CIT: variants seen among roughly 807,000 people sequenced by gnomAD.
CIT encodes citron rho-interacting serine/threonine kinase.
In CIT, 79 loss-of-function variants were observed where a neutral mutation model predicts 272.7. That is an observed-to-expected ratio of 0.29 (90% CI 0.24 to 0.35). The LOEUF is 0.35. Among genes scored for constraint, CIT ranks in the 10% least tolerant of loss-of-function variants. CIT has a pLI of 1.00. For synonymous variants in CIT, 948 were observed against 995.6 expected (o/e 0.95, Z 0.90); for missense variants, 1,909 against 2,618.3 (o/e 0.73, Z 5.91).
At chr12:119,703,686 A>G (rs1956716870) in intron 41 of CIT, among the ~76,000 whole-genome samples, 1 of 152,156 alleles carries the variant, frequency 6.6e-6, no homozygotes, top group Non-Finnish European at 1.5e-5. Context: ...TCGGCCTCCC[A>G]AAGTGCTGGG....
At chr12:119,759,089 A>G (rs1208824568) in intron 20 of CIT, among the ~76,000 whole-genome samples, 1 of 152,112 alleles carries the variant, frequency 6.6e-6, no homozygotes, top group Non-Finnish European at 1.5e-5. Context: ...TCATTTTCTG[A>G]GTGATTCCTT....
At chr12:119,835,437 T>A (rs1409162084) in intron 5 of CIT, among the ~76,000 whole-genome samples, 1 of 152,180 alleles carries the variant, frequency 6.6e-6, no homozygotes, top group East Asian at 1.9e-4. Flanking sequence ...TCCTTTCTGC[T>A]CTGGCCAGCA....
In CIT at chr12:119,772,826, G is replaced by A. The variant is rs1295852894; in HGVS notation, c.2026C>T (p.Leu676=). The part of the protein sequence containing the change: ...KERAERELEK[L]QNREDSSEGI... The stretch of plus-strand genomic sequence containing the variant: ...TCAGAAGAATCCTCTCGGTTCTGCA[G>A]CTTCTCCAGCTCCCTCTCGGCTCGC... Residue 676 remains leucine, a synonymous_variant, in exon 17 of 48, where the codon CTG becomes TTG. Coordinates refer to ENST00000392521, the MANE Select transcript of CIT (RefSeq NM_001206999.2). 4 of 1,613,942 alleles carry A rather than the reference G, an allele frequency of 2.5e-6. No individual in the cohort carries two copies. The highest frequency in any genetic ancestry group is 3.4e-6 in the Non-Finnish European group (4 of 1,180,010).
intron 47 of CIT, 68 bp from the exon 48 acceptor site, chr12:119,688,323 T>C: frequency 6.7e-7 from 1 of 1,482,290 alleles, no homozygotes; most frequent in East Asian, 2.3e-5. Flanking sequence ...CCTTGCATGA[T>C]GCAAATGGGA....
At chr12:119,738,476 A>C (rs1191018416) in intron 24 of CIT, among the ~76,000 whole-genome samples, 1 of 152,240 alleles carries the variant, frequency 6.6e-6, no homozygotes, top group Non-Finnish European at 1.5e-5. Flanking sequence ...CCATCTTAGC[A>C]GCAAAAAAAG....
intron 7 of CIT, among the ~76,000 whole-genome samples, chr12:119,832,260 G>A (rs537409239): frequency 1.2e-4 from 19 of 152,116 alleles, no homozygotes; most frequent in Non-Finnish European, 2.1e-4. Context: ...CCCTCCTGCC[G>A]TCCTACTTAG....
intron 5 of CIT, among the ~76,000 whole-genome samples, chr12:119,841,267 C>T (rs951717794): frequency 9.2e-5 from 14 of 151,828 alleles, no homozygotes; most frequent in African/African-American, 3.4e-4. Context: ...CTCTGCCTTC[C>T]AGGTTCAAGC....
Position 119,730,303 on chromosome 12 carries a change from C to A in CIT, c.3486+192G>T, listed in dbSNP as rs76448212. Among the ~76,000 whole-genome samples the A allele has an allele frequency of 4.0e-3, 602 of 152,130 alleles. 2 individuals are homozygous for A. The highest frequency in any genetic ancestry group is 0.014 in the African/African-American group (577 of 41,520). On this transcript the variant is annotated intron_variant, in intron 27 of 47. Coordinates refer to ENST00000392521, the MANE Select transcript of CIT (RefSeq NM_001206999.2). ...CCGACTGTGATCACTGGGTACCCACCGCACCCACCCACGCTACTGCCAACC... is the reference window on the plus strand; with the variant it reads ...CCGACTGTGATCACTGGGTACCCACAGCACCCACCCACGCTACTGCCAACC...
chr12:119,823,077 T>G, intron 8 of CIT, 104 bp from the exon 9 acceptor site: 1 of 1,251,248 alleles, frequency 8.0e-7, no homozygotes, highest in Non-Finnish European at 1.1e-6. Context: ...TCTTTTTTTT[T>G]GTTTTTTAGA....
At chr12:119,838,391 T>G (rs762018234) in intron 5 of CIT, among the ~76,000 whole-genome samples, 24 of 152,316 alleles carry the variant, frequency 1.6e-4, no homozygotes, top group Non-Finnish European at 1.3e-4. Context: ...AAAATAATAA[T>G]AAGAAGAAGT....
At chr12:119,696,544 T>TTTATTTTTATTTATTTATTTTTTTTC (rs1956231296) in intron 46 of CIT, among the ~76,000 whole-genome samples, 1 of 150,796 alleles carries the variant, frequency 6.6e-6, no homozygotes, top group African/African-American at 2.4e-5. Context: ...TTTTTGATTT[T>TTTATTTTTATTTATTTATTTTTTTTC]GAGATAGGGT....
rs750575022 is a variant in CIT, at chr12:119,742,384, A to G, written c.2958+27T>C. On this transcript the variant is annotated intron_variant, in intron 24 of 47. Transcript: ENST00000392521. ...CTCTGTTTTAGTTTCATGTTATTTT[A>G]ATCGTCTTTGGGTAATTAATACTCA... The G allele has an allele frequency of 7.1e-6, 11 of 1,550,388 alleles. No homozygotes were observed. The South Asian group carries it at 1.3e-4, about 19-fold the overall frequency.
chr12:119,841,524 A>G (rs1969410335), intron 5 of CIT, among the ~76,000 whole-genome samples: 1 of 152,000 alleles, frequency 6.6e-6, no homozygotes, highest in Admixed American at 6.6e-5. Context: ...GTGCCCCCAA[A>G]TCCATCCTTC....
chr12:119,718,345 G>T lies in CIT; in HGVS notation c.4068C>A (p.Ile1356=), dbSNP rs56006347. The T allele has an allele frequency of 1.2e-5, 19 of 1,613,982 alleles. No homozygotes were observed. In the African/African-American group the frequency reaches 2.0e-4, roughly 17 times the overall value. Reference sequence around the variant, plus strand: ...GCGACCGCACGATGGCGGACATGGCGATCTGCTGCCTCGCGGTGGCTGGCG... The same window carrying T: ...GCGACCGCACGATGGCGGACATGGCTATCTGCTGCCTCGCGGTGGCTGGCG... ...PSTPATARQQ[I]AMSAIVRSPE... The change falls in exon 32 of 48, where the codon ATC becomes ATA. Residue 1356 remains isoleucine, a synonymous_variant. Coordinates refer to ENST00000392521, the MANE Select transcript of CIT (RefSeq NM_001206999.2). The surrounding 1 kb of genome is among the most constrained non-coding windows in gnomAD (Gnocchi z 4.8).
At chr12:119,774,274 T>A (rs1249639553) in intron 16 of CIT, among the ~76,000 whole-genome samples, 1 of 151,966 alleles carries the variant, frequency 6.6e-6, no homozygotes, top group Non-Finnish European at 1.5e-5. Context: ...GATGGTAATT[T>A]AATGTTATGT....
intron 25 of CIT, 189 bp from the exon 26 acceptor site, chr12:119,734,546 G>A (rs1958649803): frequency 6.3e-6 from 4 of 639,134 alleles, no homozygotes; most frequent in Admixed American, 2.6e-5. Context: ...AGCCACCTTA[G>A]AGGCAGGATC....
In CIT at chr12:119,826,451, G is replaced by A. The variant is rs533436713; in HGVS notation, c.754-1083C>T. ...CTTCTGACTTTTTTAGTGTTTAAAT[G>A]TCCTTTGTTTCTGGATATGCTGTTG... is the stretch of plus-strand genomic sequence containing the variant. On this transcript the variant is annotated intron_variant, in intron 7 of 47. Coordinates refer to ENST00000392521, the MANE Select transcript of CIT (RefSeq NM_001206999.2). Among the ~76,000 whole-genome samples the A allele has an allele frequency of 2.0e-5, 3 of 152,214 alleles. No individual in the cohort carries two copies. In the South Asian group the frequency reaches 6.2e-4, roughly 32 times the overall value.
chr12:119,775,718 G>C (rs1464767876), intron 16 of CIT, 68 bp downstream of exon 16: 3 of 1,253,378 alleles, frequency 2.4e-6, no homozygotes, highest in Non-Finnish European at 1.2e-6. Context: ...CGTGCTCTGG[G>C]ACAAGGCAAA....
intron 16 of CIT, among the ~76,000 whole-genome samples, chr12:119,773,922 T>C (rs80354947): frequency 1.9e-3 from 295 of 152,216 alleles, no homozygotes; most frequent in African/African-American, 6.5e-3. Context: ...AGGGAGCAAA[T>C]AGTGGATAAG....
Sources: gnomAD v4.1 joint callset for allele counts (sites outside exome capture counted in the v4.1 genomes callset) on GRCh38, gnomAD v4.1.1 for gene constraint, Gnocchi (gnomAD v3.1) non-coding constraint, MANE v1.5 for transcripts, NCBI Gene and HGNC (gene_info 2026-07-23, HGNC 2026-07-21) for gene names.